The following TENT4A variants were observed in gnomAD, a reference collection of about 807,000 sequenced individuals.
TENT4A encodes DNA polymerase kappa.
TENT4A carries 7 observed loss-of-function variants against 72.8 expected under a neutral mutation model. The ratio of observed to expected loss-of-function variants is 0.10; its 90% confidence interval spans 0.05 to 0.18. The LOEUF is 0.18. TENT4A is among the 10% of genes least tolerant of loss of function. The pLI is 1.00. For missense variants in TENT4A, 831 were observed against 1,017.7 expected, an observed-to-expected ratio of 0.82 and a Z score of 2.50; for synonymous variants, 456 against 434.3, an observed-to-expected ratio of 1.05 and a Z score of -0.62.
intron 1 of TENT4A, among the ~76,000 whole-genome samples, chr5:6,732,076 C>T (rs1322743630): frequency 2.6e-5 from 4 of 152,218 alleles, no homozygotes; most frequent in Non-Finnish European, 5.9e-5. Context: ...AAAGAAGTCA[C>T]CTTTGAACAA....
intron 6 of TENT4A, chr5:6,745,968 G>C (rs1266224910): frequency 4.6e-6 from 6 of 1,303,332 alleles, no homozygotes; most frequent in Non-Finnish European, 5.9e-6. Flanking sequence ...CAGGAAGTTT[G>C]CTGTATGGAT....
At chr5:6,730,755 T>TAA (rs5865676) in intron 1 of TENT4A, among the ~76,000 whole-genome samples, 26,971 of 129,766 alleles carry the variant, frequency 0.21, 3,036 homozygotes, top group Non-Finnish European at 0.26. Context: ...AGCCTTAATT[T>TAA]AAAAAAAAAA....
In TENT4A at chr5:6,739,644, C is replaced by A. The variant is rs1041951354; in HGVS notation, c.888-88C>A. 1.4e-5 allele frequency: 21 copies of A among 1,509,932 alleles called. 1 individual carries two copies. The Admixed American group carries it at 3.5e-4, about 25-fold the overall frequency. The allele number at this position is 1,509,932 out of a possible 1,614,324, so 93.5% of individuals were successfully genotyped here. A position where few individuals can be genotyped will look rare whatever the true frequency, so the allele number is the denominator to read the frequency against. On this transcript the variant is annotated intron_variant, in intron 3 of 12. Coordinates refer to ENST00000230859, the MANE Select transcript of TENT4A (RefSeq NM_006999.6). ...TCTTGGCCTTTGTGGGAGACACAGG[C>A]ACATGTGCCTTGGTGCTTATCCTCC...
rs1233713453 is a variant in TENT4A, at chr5:6,756,226, GTC to G, written c.*1283_*1284del. The G allele has an allele frequency of 6.6e-5, 10 of 152,588 alleles. No individual in the cohort carries two copies. The highest frequency in any genetic ancestry group is 2.4e-4 in the African/African-American group (10 of 41,428). 9.5% of individuals were successfully genotyped at this position (152,588 alleles called of 1,614,324 possible). A position where few individuals can be genotyped will look rare whatever the true frequency, so the allele number is the denominator to read the frequency against. On this transcript the variant is annotated 3_prime_UTR_variant, in exon 13 of 13. Transcript: ENST00000230859. ...AGTGTATTCTGCCACAACAACCACT[GTC>G]TTTGTTACCTTTTTTTGAACAAGAA...
Position 6,714,022 on chromosome 5 carries a change from G to A in TENT4A, c.39G>A (p.Lys13=), listed in dbSNP as rs1740229817. The change falls in exon 1 of 13, where the codon AAG becomes AAA. Residue 13 remains lysine (K), a synonymous_variant. Transcript: ENST00000230859. The part of the protein sequence containing the change: ...PRVAWIQPEQ[K]GPANALWMQI... ...TGGCCTGGATCCAGCCCGAGCAGAA[G>A]GGGCCGGCCAATGCCCTGTGGATGC... is the stretch of plus-strand genomic sequence containing the variant. 3.0e-6 allele frequency: 3 copies of A among 985,394 alleles called. No individual in the cohort carries two copies. The highest frequency in any genetic ancestry group is 1.2e-6 in the Non-Finnish European group (1 of 831,086). 61.0% of individuals were successfully genotyped at this position (985,394 alleles called of 1,614,324 possible).
intron 12 of TENT4A, among the ~76,000 whole-genome samples, chr5:6,754,405 G>A (rs1742578981): frequency 6.6e-6 from 1 of 152,206 alleles, no homozygotes; most frequent in Admixed American, 6.5e-5. Context: ...CTGACCTCAA[G>A]TGACATGCCT....
Position 6,755,833 on chromosome 5 carries a change from CA to C in TENT4A, c.*890del, listed in dbSNP as rs1353295463. 6.6e-6 allele frequency: 1 copy of C among 152,258 alleles called. No individual in the cohort carries two copies. Among genetic ancestry groups the C allele is most frequent in the African/African-American group, 2.4e-5 (1 of 41,456 alleles). The allele number at this position is 152,258 out of a possible 1,614,324, so 9.4% of individuals were successfully genotyped here. A position where few individuals can be genotyped will look rare whatever the true frequency, so the allele number is the denominator to read the frequency against. On this transcript the variant is annotated 3_prime_UTR_variant, in exon 13 of 13. Transcript: ENST00000230859. Reference sequence around the variant, plus strand: ...AAACTGGACAACAAATCCAGCATTTCAAGTGCCAGAAGTATAACTTTCTAAG... The same window carrying C: ...AAACTGGACAACAAATCCAGCATTTCAGTGCCAGAAGTATAACTTTCTAAG...
At chr5:6,748,267 A>G (rs901270948) in intron 7 of TENT4A, among the ~76,000 whole-genome samples, 197 bp from the exon 8 acceptor site, 1 of 152,222 alleles carries the variant, frequency 6.6e-6, no homozygotes, top group South Asian at 2.1e-4. Flanking sequence ...TGCCCTGTGC[A>G]TGGTGATTGA....
chr5:6,722,032 C>A (rs1006854263), intron 1 of TENT4A, among the ~76,000 whole-genome samples: 1 of 152,210 alleles, frequency 6.6e-6, no homozygotes, highest in Non-Finnish European at 1.5e-5. Flanking sequence ...GATGTTTCTG[C>A]ATCAGACCTG....
In TENT4A at chr5:6,739,792, A is replaced by G; in HGVS notation, c.948A>G (p.Gln316=). ...GTCCTCCTTTACAGCTGCTGGAGCAAGCCCTGCGGAAGCACAACGTGGCTG... is the reference window on the plus strand; with the variant it reads ...GTCCTCCTTTACAGCTGCTGGAGCAGGCCCTGCGGAAGCACAACGTGGCTG... ...WERPPLQLLE[Q]ALRKHNVAEP... The change falls in exon 4 of 13, where the codon CAA becomes CAG. Residue 316 remains glutamine, a synonymous_variant. Transcript: ENST00000230859. The G allele has an allele frequency of 1.2e-6, 2 of 1,614,178 alleles. No individual in the cohort carries two copies. The highest frequency in any genetic ancestry group is 1.7e-6 in the Non-Finnish European group (2 of 1,179,994).
intron 1 of TENT4A, among the ~76,000 whole-genome samples, chr5:6,733,852 G>A (rs1285552346): frequency 3.3e-5 from 5 of 152,174 alleles, no homozygotes; most frequent in African/African-American, 1.2e-4. Context: ...GCTTCCTAAG[G>A]CAGTGAAAAG....
At chr5:6,751,898 T>C (rs912996848) in intron 11 of TENT4A, among the ~76,000 whole-genome samples, 8 of 152,160 alleles carry the variant, frequency 5.3e-5, no homozygotes, top group Non-Finnish European at 7.4e-5. Context: ...TGCACTCTGC[T>C]CTGGGGAAGA....
rs1389772430 is a variant in TENT4A, at chr5:6,713,966, C to T, written c.-18C>T. On this transcript the variant is annotated 5_prime_UTR_variant, in exon 1 of 13. Coordinates refer to ENST00000230859, the MANE Select transcript of TENT4A (RefSeq NM_006999.6). ...TCGGGGCGGGCGGGCGCGCGGGCCC[C>T]GCGGGGGCGGCGCGTGGATGGATCC... The T allele has an allele frequency of 1.0e-5, 10 of 968,276 alleles. No individual in the cohort carries two copies. The highest frequency in any genetic ancestry group is 1.1e-5 in the Non-Finnish European group (9 of 817,294). The allele number at this position is 968,276 out of a possible 1,614,324, so 60.0% of individuals were successfully genotyped here.
chr5:6,737,911 T>G (rs1294635879), intron 2 of TENT4A, among the ~76,000 whole-genome samples: 1 of 130,280 alleles, frequency 7.7e-6, no homozygotes, highest in African/African-American at 2.9e-5. Context: ...TTTGTTGGGT[T>G]TTTTTTTTTT....
At position 6,749,647 on chromosome 5, in the gene TENT4A, G is replaced by A. The variant is rs200147655; in HGVS notation, c.1677G>A (p.Ser559=). The A allele has an allele frequency of 3.1e-6, 5 of 1,608,066 alleles. No individual in the cohort carries two copies. The South Asian group carries it at 4.4e-5, about 14-fold the overall frequency. The change falls in exon 9 of 13, where the codon TCG becomes TCA. Residue 559 remains serine, a synonymous_variant. Coordinates refer to ENST00000230859, the MANE Select transcript of TENT4A (RefSeq NM_006999.6). ...KEKWGSKAHP[S]PGMDSRIKIK... Reference sequence around the variant, plus strand: ...AGTGGGGCAGCAAAGCCCACCCGTCGCCAGGCATGGGTGAGAGATTAATTC... The same window carrying A: ...AGTGGGGCAGCAAAGCCCACCCGTCACCAGGCATGGGTGAGAGATTAATTC...
Position 6,738,590 on chromosome 5 carries a change from G to T in TENT4A, c.841-93G>T, listed in dbSNP as rs533807976. ...AAGGTAGTTTTATTTTTTACCCAAG[G>T]GTATAGTGAGGGCTTTCTTTTAGTA... is the stretch of plus-strand genomic sequence containing the variant. On this transcript the variant is annotated intron_variant, in intron 2 of 12. Coordinates refer to ENST00000230859, the MANE Select transcript of TENT4A (RefSeq NM_006999.6). The T allele has an allele frequency of 2.3e-4, 206 of 905,032 alleles. 1 individual carries two copies. The African/African-American group carries it at 3.2e-3, about 14-fold the overall frequency. 56.1% of individuals were successfully genotyped at this position (905,032 alleles called of 1,614,324 possible). A position where few individuals can be genotyped will look rare whatever the true frequency, so the allele number is the denominator to read the frequency against.
chr5:6,742,587 A>G lies in TENT4A; in HGVS notation c.1106A>G (p.Asn369Ser), dbSNP rs1251895909. 4 of 1,605,838 alleles carry G rather than the reference A, an allele frequency of 2.5e-6. No individual in the cohort carries two copies. The highest frequency in any genetic ancestry group is 1.1e-5 in the South Asian group (1 of 90,928). Residue 369 changes from asparagine (N) to serine (S), a missense_variant, in exon 5 of 13, where the codon AAT (asparagine) becomes AGT (serine). By Grantham distance (46) the Asn-to-Ser change is conservative. Around this residue, in one of 3 missense-constraint regions of TENT4A, gnomAD observed 197 missense variants for 399.6 expected, o/e 0.49. Transcript: ENST00000230859. ...TGVRAAEFIK[N>S]YMKKYSLLPY... ...GTCCGGGCAGCGGAGTTCATCAAGA[A>G]TTACATGAAGGTACTGTGCTTGGTG...
At position 6,714,025 on chromosome 5, in the gene TENT4A, G is replaced by A. The variant is rs1740229905; in HGVS notation, c.42G>A (p.Gly14=). 6 of 986,016 alleles carry A rather than the reference G, an allele frequency of 6.1e-6. No individual in the cohort carries two copies. Among genetic ancestry groups the A allele is most frequent in the Non-Finnish European group, 7.2e-6 (6 of 831,478 alleles). 61.1% of individuals were successfully genotyped at this position (986,016 alleles called of 1,614,324 possible). A position where few individuals can be genotyped will look rare whatever the true frequency, so the allele number is the denominator to read the frequency against. ...CCTGGATCCAGCCCGAGCAGAAGGGGCCGGCCAATGCCCTGTGGATGCAGA... is the reference window on the plus strand; with the variant it reads ...CCTGGATCCAGCCCGAGCAGAAGGGACCGGCCAATGCCCTGTGGATGCAGA... ...RVAWIQPEQK[G]PANALWMQIW... The change falls in exon 1 of 13, where the codon GGG becomes GGA. Residue 14 remains glycine (G), a synonymous_variant. Coordinates refer to ENST00000230859, the MANE Select transcript of TENT4A (RefSeq NM_006999.6).
At chr5:6,745,260 A>C (rs559021572) in intron 6 of TENT4A, among the ~76,000 whole-genome samples, 10 of 152,294 alleles carry the variant, frequency 6.6e-5, no homozygotes, top group Admixed American at 5.2e-4. Flanking sequence ...AGAACTCCGG[A>C]ATTCTTCTGA....
Sources: gnomAD v4.1 joint callset for allele counts (sites outside exome capture counted in the v4.1 genomes callset) on GRCh38, gnomAD v4.1.1 for gene constraint, gnomAD v4.1.1 regional missense constraint, MANE v1.5 for transcripts, NCBI Gene and HGNC (gene_info 2026-07-23, HGNC 2026-07-21) for gene names.